FRYL: variants seen among roughly 807,000 people sequenced by gnomAD.
FRYL encodes the protein protein furry homolog-like.
In FRYL, 150 loss-of-function variants were observed where a neutral mutation model predicts 351.2. The observed-to-expected ratio is 0.43, with a 90% confidence interval of 0.37 to 0.49. The LOEUF (loss-of-function observed/expected upper bound fraction) is 0.49, where lower values mean the gene tolerates loss of function less well. Among genes scored for constraint, FRYL ranks in the 20% least tolerant of loss-of-function variants. FRYL has a pLI of 0.00. For missense variants in FRYL, 3,036 were observed against 3,619.3 expected (o/e 0.84, Z 4.13); for synonymous variants, 1,153 against 1,257.1 (o/e 0.92, Z 1.75).
intron 49 of FRYL, among the ~76,000 whole-genome samples, chr4:48,533,788 C>T (rs1181550290): frequency 1.3e-5 from 2 of 152,150 alleles, no homozygotes; most frequent in African/African-American, 4.8e-5. Context: ...GTTTAATTTT[C>T]CACTTTCTAA....
In FRYL at chr4:48,502,860, G is replaced by C. The variant is rs745592004; in HGVS notation, c.8464-15C>G. Reference sequence around the variant, plus strand: ...ATTTCCATTTGCTAAGCAAGAAGGTGATCAGGTCACAAAAAATACAAAGGA... The same window carrying C: ...ATTTCCATTTGCTAAGCAAGAAGGTCATCAGGTCACAAAAAATACAAAGGA... On this transcript the variant is annotated splice_polypyrimidine_tract_variant and intron_variant, in intron 60 of 63. Coordinates refer to ENST00000358350, the MANE Select transcript of FRYL (RefSeq NM_015030.2). 11 of 1,605,574 alleles carry C rather than the reference G, an allele frequency of 6.9e-6. No individual in the cohort carries two copies. The highest frequency in any genetic ancestry group is 8.5e-6 in the Non-Finnish European group (10 of 1,174,324).
chr4:48,736,121 T>A (rs1771372023), intron 1 of FRYL, among the ~76,000 whole-genome samples: 2 of 151,802 alleles, frequency 1.3e-5, no homozygotes, highest in Non-Finnish European at 1.5e-5. Flanking sequence ...AAATGACAGA[T>A]GGGTCAAAAA....
chr4:48,535,809 AT>A lies in FRYL; in HGVS notation c.6411del (p.Lys2137AsnfsTer11). On this transcript the variant is annotated frameshift_variant, in exon 48 of 64. Transcript: ENST00000358350. LOFTEE classifies it high-confidence loss of function. ...TGTGCCAGATTGACAAGTGTTGGGC[AT>A]TTTTCTTCTGCACAAACCTAGAAAA... ...SRIAKVCAEE[K>X]CPTLVNLAHM... 1.9e-6 allele frequency: 3 copies of A among 1,543,186 alleles called. No individual in the cohort carries two copies. Among genetic ancestry groups the A allele is most frequent in the Non-Finnish European group, 1.8e-6 (2 of 1,141,596 alleles).
In FRYL at chr4:48,512,644, G is replaced by A. The variant is rs764416809; in HGVS notation, c.7982C>T (p.Ser2661Leu). The change falls in exon 57 of 64, where the codon TCG (serine) becomes TTG (leucine). Residue 2661 changes from serine (S) to leucine (L), a missense_variant. Physicochemically the swap from Ser to Leu is moderately radical, Grantham distance 145 (BLOSUM62 -2). Around this residue, in one of 7 missense-constraint regions of FRYL, gnomAD observed 1,987 missense variants for 2,311.7 expected, o/e 0.86. Coordinates refer to ENST00000358350, the MANE Select transcript of FRYL (RefSeq NM_015030.2). ...AGAAAGAAATGGTGACGGCAGAGGC[G>A]ACGTCTGTACTTCTGGAAAACCATC... Reference protein sequence around the residue: ...EQDGFPEVQTSPLPSPFLSAI... With the variant: ...EQDGFPEVQTLPLPSPFLSAI... 5.6e-6 allele frequency: 9 copies of A among 1,613,848 alleles called. No individual in the cohort carries two copies. Among genetic ancestry groups the A allele is most frequent in the South Asian group, 1.1e-5 (1 of 91,078 alleles).
At chr4:48,620,578 A>C (rs1430307943) in intron 6 of FRYL, 61 bp downstream of exon 6, 68 of 1,502,846 alleles carry the variant, frequency 4.5e-5, no homozygotes, top group Non-Finnish European at 4.8e-5. Context: ...AGTTGATAAT[A>C]TCACCCCTTC....
chr4:48,520,155 G>A (rs1035263096), intron 55 of FRYL, among the ~76,000 whole-genome samples: 4 of 152,230 alleles, frequency 2.6e-5, no homozygotes, highest in Admixed American at 1.3e-4. Flanking sequence ...GGCATCTACC[G>A]AAAGCACAAT....
chr4:48,646,204 GTATCA>G (rs1159834957), intron 3 of FRYL, among the ~76,000 whole-genome samples: 1 of 151,952 alleles, frequency 6.6e-6, no homozygotes, highest in Non-Finnish European at 1.5e-5. Flanking sequence ...ACTACTTTCT[GTATCA>G]TATATCAATA....
chr4:48,656,585 TG>T (rs1479870180), intron 3 of FRYL, among the ~76,000 whole-genome samples: 56 of 129,230 alleles, frequency 4.3e-4, no homozygotes, highest in African/African-American at 1.6e-3. Flanking sequence ...TTATATATAA[TG>T]TATATAGTAA....
At chr4:48,750,864 T>C (rs1773185316) in intron 1 of FRYL, among the ~76,000 whole-genome samples, 1 of 152,154 alleles carries the variant, frequency 6.6e-6, no homozygotes, top group East Asian at 1.9e-4. Flanking sequence ...TGAGCTTACA[T>C]TACTATATCC....
At chr4:48,677,528 A>C (rs1366750589) in intron 3 of FRYL, among the ~76,000 whole-genome samples, 1 of 151,892 alleles carries the variant, frequency 6.6e-6, no homozygotes, top group Non-Finnish European at 1.5e-5. Context: ...CTCCTGCCTC[A>C]GCTTCCCAAG....
intron 55 of FRYL, among the ~76,000 whole-genome samples, chr4:48,518,618 T>G (rs1724170921): frequency 6.6e-6 from 1 of 152,228 alleles, no homozygotes; most frequent in Admixed American, 6.5e-5. Context: ...ACCCCTCTCC[T>G]TCTTGTTCAC....
chr4:48,578,895 T>G lies in FRYL; in HGVS notation c.2528+78A>C, dbSNP rs1165135598. 4 of 1,288,202 alleles carry G rather than the reference T, an allele frequency of 3.1e-6. No homozygotes were observed. In the East Asian group the frequency reaches 9.3e-5, roughly 30 times the overall value. The allele number at this position is 1,288,202 out of a possible 1,614,324, so 79.8% of individuals were successfully genotyped here. On this transcript the variant is annotated intron_variant, in intron 23 of 63. Transcript: ENST00000358350. ...TTATGGGCCTTCCAATCTGTAATAC[T>G]TTTGAATTTTTCAAATAAATACATA... is the stretch of plus-strand genomic sequence containing the variant.
intron 43 of FRYL, among the ~76,000 whole-genome samples, chr4:48,544,580 C>G (rs1730936265): frequency 6.6e-6 from 1 of 151,964 alleles, no homozygotes; most frequent in South Asian, 2.1e-4. Flanking sequence ...AACTAAGGAG[C>G]CTAGCATTTC....
intron 1 of FRYL, among the ~76,000 whole-genome samples, chr4:48,748,232 C>A (rs1052916769): frequency 9.2e-5 from 14 of 151,740 alleles, no homozygotes; most frequent in African/African-American, 2.9e-4. Context: ...GGCAACAGAG[C>A]GAGACTCCGT....
Position 48,772,638 on chromosome 4 carries a change from T to C in FRYL, c.-384+7440A>G, listed in dbSNP as rs375804870. 1.4e-4 allele frequency among the ~76,000 whole-genome samples: 18 copies of C among 127,938 alleles called. No individual in the cohort carries two copies. In the East Asian group the frequency reaches 1.8e-3, roughly 13 times the overall value. The allele number at this position is 127,938 out of a possible 152,430, so 83.9% of individuals were successfully genotyped here. A position where few individuals can be genotyped will look rare whatever the true frequency, so the allele number is the denominator to read the frequency against. ...AGCATTCTTTACTATTGAACTAAAT[T>C]AAATCACATCTGAAGCTTACCCTGA... is the stretch of plus-strand genomic sequence containing the variant. On this transcript the variant is annotated intron_variant, in intron 1 of 63. Coordinates refer to ENST00000358350, the MANE Select transcript of FRYL (RefSeq NM_015030.2).
At chr4:48,519,563 C>T (rs1225361444) in intron 55 of FRYL, among the ~76,000 whole-genome samples, 9 of 150,726 alleles carry the variant, frequency 6.0e-5, no homozygotes, top group East Asian at 5.8e-4. Flanking sequence ...ACTGCAGTGG[C>T]GCGATCTCGG....
chr4:48,552,274 T>TGC lies in FRYL; in HGVS notation c.4436-697_4436-696insGC, dbSNP rs1183039804. On this transcript the variant is annotated intron_variant, in intron 36 of 63. Transcript: ENST00000358350. Reference sequence around the variant, plus strand: ...GTGTGTGTGTGTGTGTGTGTGTGTGTGTGTGTGTGTTCAGACACACCCTCT... The same window carrying TGC: ...GTGTGTGTGTGTGTGTGTGTGTGTGTGCGTGTGTGTGTTCAGACACACCCTCT... 5.5e-5 allele frequency among the ~76,000 whole-genome samples: 8 copies of TGC among 146,054 alleles called. No homozygotes were observed. In the Admixed American group the frequency reaches 5.5e-4, roughly 10 times the overall value.
At chr4:48,651,644 T>C (rs1475192420) in intron 3 of FRYL, among the ~76,000 whole-genome samples, 2 of 152,202 alleles carry the variant, frequency 1.3e-5, no homozygotes, top group African/African-American at 4.8e-5. Context: ...TACTTCTATC[T>C]GCCACAGCAC....
intron 22 of FRYL, 71 bp downstream of exon 22, chr4:48,580,794 G>T: frequency 1.1e-6 from 1 of 933,070 alleles, no homozygotes; most frequent in Non-Finnish European, 1.7e-6. Context: ...GTATGCACAT[G>T]TACATGTATA....
Sources: gnomAD v4.1 joint callset for allele counts (sites outside exome capture counted in the v4.1 genomes callset) on GRCh38, gnomAD v4.1.1 for gene constraint, gnomAD v4.1.1 regional missense constraint, MANE v1.5 for transcripts, NCBI Gene and HGNC (gene_info 2026-07-23, HGNC 2026-07-21) for gene names.